The following AK5 variants were observed in gnomAD, a reference collection of about 807,000 sequenced individuals.
AK5 encodes adenylate kinase 5.
Under a neutral mutation model 69.5 loss-of-function variants are expected in AK5, and 27 were observed. That is an observed-to-expected ratio of 0.39 (90% CI 0.29 to 0.54). The LOEUF (loss-of-function observed/expected upper bound fraction) is 0.54. AK5 is among the 20% of genes least tolerant of loss of function. The pLI, the probability that AK5 is intolerant of heterozygous loss-of-function variation, is 0.71. For missense variants in AK5, 531 were observed against 700.4 expected, an observed-to-expected ratio of 0.76 and a Z score of 2.73; for synonymous variants, 260 against 244.4, an observed-to-expected ratio of 1.06 and a Z score of -0.60.
At chr1:77,447,527 G>A (rs1310366728) in intron 8 of AK5, among the ~76,000 whole-genome samples, 1 of 152,062 alleles carries the variant, frequency 6.6e-6, no homozygotes, top group East Asian at 1.9e-4. Flanking sequence ...AACATATGAA[G>A]GACTGATCAG....
chr1:77,337,239 A>G (rs546963342), intron 5 of AK5, among the ~76,000 whole-genome samples: 2 of 152,332 alleles, frequency 1.3e-5, no homozygotes, highest in Admixed American at 1.3e-4. Context: ...GATGATTGTA[A>G]TTGTTGTAGT....
chr1:77,285,159 G>A (rs1658280415), intron 1 of AK5, among the ~76,000 whole-genome samples: 1 of 152,078 alleles, frequency 6.6e-6, no homozygotes, highest in Non-Finnish European at 1.5e-5. Flanking sequence ...TATAAAATGG[G>A]GATAATAAAG....
At chr1:77,291,192 T>C (rs1406529405) in intron 2 of AK5, among the ~76,000 whole-genome samples, 1 of 152,198 alleles carries the variant, frequency 6.6e-6, no homozygotes, top group Non-Finnish European at 1.5e-5. Context: ...AGAAAGATAC[T>C]ATATGAAATG....
chr1:77,286,530 A>G (rs1379887347), intron 1 of AK5, among the ~76,000 whole-genome samples: 2 of 152,002 alleles, frequency 1.3e-5, no homozygotes, highest in African/African-American at 4.8e-5. Flanking sequence ...GAATTCAAAG[A>G]TGAGCCATAA....
intron 3 of AK5, among the ~76,000 whole-genome samples, chr1:77,295,538 T>G (rs1452896209): frequency 1.3e-5 from 2 of 152,212 alleles, no homozygotes; most frequent in African/African-American, 4.8e-5. Flanking sequence ...ACATTCTTTT[T>G]ATGCTTAAAA....
chr1:77,434,685 A>G (rs930291741), intron 8 of AK5, among the ~76,000 whole-genome samples: 1 of 152,228 alleles, frequency 6.6e-6, no homozygotes, highest in Non-Finnish European at 1.5e-5. Flanking sequence ...GGAACTTACA[A>G]AAATCTTCAT....
chr1:77,444,313 A>T lies in AK5; in HGVS notation c.1059+26598A>T, dbSNP rs12726963. 1.3e-3 allele frequency among the ~76,000 whole-genome samples: 70 copies of T among 55,984 alleles called. 8 individuals carry two copies. Among genetic ancestry groups the T allele is most frequent in the African/African-American group, 2.9e-3 (36 of 12,406 alleles). The allele number at this position is 55,984 out of a possible 152,430, so 36.7% of individuals were successfully genotyped here. A position where few individuals can be genotyped will look rare whatever the true frequency, so the allele number is the denominator to read the frequency against. ...GTGTATATATATAGTATATATACAC[A>T]ATATATGTGTATATATATAGTATAT... On this transcript the variant is annotated intron_variant, in intron 8 of 13. Transcript: ENST00000354567.
intron 6 of AK5, among the ~76,000 whole-genome samples, chr1:77,406,705 G>GAA (rs891657357): frequency 3.6e-5 from 5 of 140,278 alleles, no homozygotes; most frequent in African/African-American, 1.1e-4. Context: ...TGATGCTGAG[G>GAA]AAAAAAAAAA....
At position 77,349,065 on chromosome 1, in the gene AK5, A is replaced by G. The variant is rs766324871; in HGVS notation, c.891+8497A>G. 3.9e-4 allele frequency among the ~76,000 whole-genome samples: 59 copies of G among 152,352 alleles called. No homozygotes were observed. In the Middle Eastern group the frequency reaches 0.01, roughly 26 times the overall value. ...CTCCAAAAAAAAGAAGACAAAATAA[A>G]AGAAAAAGAATAAGCATTTAAGGCT... is the stretch of plus-strand genomic sequence containing the variant. On this transcript the variant is annotated intron_variant, in intron 6 of 13. Transcript: ENST00000354567.
intron 10 of AK5, among the ~76,000 whole-genome samples, chr1:77,489,251 A>G (rs1000341144): frequency 2.1e-5 from 3 of 145,290 alleles, no homozygotes; most frequent in African/African-American, 7.8e-5. Context: ...GAATTGCTGC[A>G]CTGAGCAAAA....
At chr1:77,522,941 A>C (rs2100323052) in intron 12 of AK5, among the ~76,000 whole-genome samples, 1 of 152,216 alleles carries the variant, frequency 6.6e-6, no homozygotes, top group Middle Eastern at 3.4e-3. Flanking sequence ...CCTCATGTTA[A>C]AGGTGATGAG....
chr1:77,378,843 T>C (rs1335133742), intron 6 of AK5, among the ~76,000 whole-genome samples: 1 of 152,166 alleles, frequency 6.6e-6, no homozygotes, highest in East Asian at 1.9e-4. Flanking sequence ...AGGGGAGTTT[T>C]AGATAGGCAG....
chr1:77,455,980 T>A (rs1653458854), intron 8 of AK5, among the ~76,000 whole-genome samples: 1 of 152,196 alleles, frequency 6.6e-6, no homozygotes, highest in South Asian at 2.1e-4. Context: ...GTATGATTTT[T>A]AAAATTCATT....
intron 8 of AK5, among the ~76,000 whole-genome samples, chr1:77,462,554 C>T (rs549910837): frequency 6.6e-6 from 1 of 152,116 alleles, no homozygotes; most frequent in African/African-American, 2.4e-5. Flanking sequence ...TATATATATA[C>T]AGTTTTATAA....
intron 6 of AK5, among the ~76,000 whole-genome samples, chr1:77,362,777 G>A (rs964686242): frequency 2.0e-5 from 3 of 152,170 alleles, no homozygotes; most frequent in Admixed American, 6.6e-5. Flanking sequence ...TTGCTTTAAA[G>A]CATAATGTTC....
intron 6 of AK5, among the ~76,000 whole-genome samples, chr1:77,344,370 A>G (rs1661807524): frequency 6.6e-6 from 1 of 152,216 alleles, no homozygotes; most frequent in South Asian, 2.1e-4. Context: ...ACATATTTAT[A>G]TGTTGTCTTT....
intron 13 of AK5, among the ~76,000 whole-genome samples, chr1:77,538,592 G>A (rs1363820578): frequency 6.6e-6 from 1 of 151,456 alleles, no homozygotes; most frequent in East Asian, 1.9e-4. Flanking sequence ...AGAGGTTGCA[G>A]TGAGCTGAAA....
chr1:77,487,011 TC>T (rs1196843454), intron 10 of AK5, among the ~76,000 whole-genome samples: 2 of 152,224 alleles, frequency 1.3e-5, no homozygotes, highest in African/African-American at 4.8e-5. Flanking sequence ...ATCAATTGCC[TC>T]ATGTTCAAAT....
intron 10 of AK5, among the ~76,000 whole-genome samples, chr1:77,491,496 G>A (rs959133774): frequency 7.2e-5 from 11 of 151,868 alleles, no homozygotes; most frequent in Admixed American, 5.9e-4. Flanking sequence ...TCGTAGAGAC[G>A]GGGTTTCACC....
Sources: allele counts gnomAD v4.1 joint callset (sites outside exome capture counted in the v4.1 genomes callset), GRCh38; gene constraint gnomAD v4.1.1; transcripts MANE v1.5; gene names NCBI Gene and HGNC (gene_info 2026-07-23, HGNC 2026-07-21).